The following LSAMP variants were observed in gnomAD, a reference collection of about 807,000 sequenced individuals.
LSAMP encodes the protein limbic system associated membrane protein, also known as limbic system-associated membrane protein.
A neutral mutation model predicts 38.6 loss-of-function variants in LSAMP; 7 were observed. The observed-to-expected ratio is 0.18, with a 90% CI of 0.10 to 0.34. The LOEUF (loss-of-function observed/expected upper bound fraction) is 0.34, where lower values mean the gene tolerates loss of function less well. Among genes scored for constraint, LSAMP ranks in the 10% least tolerant of loss-of-function variants. The pLI, the probability that LSAMP is intolerant of heterozygous loss-of-function variation, is 1.00. For synonymous variants in LSAMP, 154 were observed against 166.8 expected (o/e 0.92, Z 0.59); for missense variants, 313 against 420.0 (o/e 0.75, Z 2.23).
intron 6 of LSAMP, among the ~76,000 whole-genome samples, chr3:115,841,303 C>T (rs962468810): frequency 6.6e-6 from 1 of 152,122 alleles, no homozygotes; most frequent in Non-Finnish European, 1.5e-5. Flanking sequence ...CTTTCTGCAA[C>T]CATTTTTCCT....
rs546746132 is a variant in LSAMP, at chr3:116,370,700, G to A, written c.155+74177C>T. Among the ~76,000 whole-genome samples, 18 of 152,236 alleles carry A rather than the reference G, an allele frequency of 1.2e-4. No homozygotes were observed. The South Asian group carries it at 1.7e-3, about 14-fold the overall frequency. On this transcript the variant is annotated intron_variant, in intron 1 of 6. Transcript: ENST00000490035. ...GCAGTCACAGAAGTGCAGACAAAGA[G>A]GTGCCATCCGTGGTTGTTGCATGTC...
At chr3:116,441,090 C>T (rs539041352) in intron 1 of LSAMP, among the ~76,000 whole-genome samples, 1 of 152,248 alleles carries the variant, frequency 6.6e-6, no homozygotes, top group South Asian at 2.1e-4. Flanking sequence ...AAGACCCCAA[C>T]TTTGAAAAAA....
intron 1 of LSAMP, among the ~76,000 whole-genome samples, chr3:116,299,398 G>A (rs2047377304): frequency 1.3e-5 from 2 of 152,164 alleles, no homozygotes; most frequent in African/African-American, 2.4e-5. Context: ...AGAACCACAC[G>A]AACATGGTCA....
At chr3:116,269,350 A>G (rs2046939384) in intron 1 of LSAMP, among the ~76,000 whole-genome samples, 1 of 151,736 alleles carries the variant, frequency 6.6e-6, no homozygotes, top group South Asian at 2.1e-4. Context: ...CACATATTAT[A>G]TACCCTGTTC....
intron 4 of LSAMP, among the ~76,000 whole-genome samples, chr3:115,847,170 C>T (rs1935186744): frequency 6.6e-6 from 1 of 152,170 alleles, no homozygotes; most frequent in Non-Finnish European, 1.5e-5. Flanking sequence ...CTACCACTCA[C>T]CAAAGCTGTT....
chr3:115,924,506 A>G (rs1002288428), intron 3 of LSAMP, among the ~76,000 whole-genome samples: 4 of 152,192 alleles, frequency 2.6e-5, no homozygotes, highest in African/African-American at 4.8e-5. Flanking sequence ...TTGCCTTCAT[A>G]TTTACCAGAG....
intron 1 of LSAMP, among the ~76,000 whole-genome samples, chr3:116,257,069 A>G (rs2107654446): frequency 6.6e-6 from 1 of 152,288 alleles, no homozygotes; most frequent in East Asian, 1.9e-4. Flanking sequence ...TGTGCTCTTC[A>G]AAGGAGGTAC....
Position 116,215,170 on chromosome 3 carries a change from A to G in LSAMP, c.156-128614T>C, listed in dbSNP as rs111374851. Among the ~76,000 whole-genome samples, 663 of 152,332 alleles carry G rather than the reference A, an allele frequency of 4.4e-3. 7 individuals carry two copies. Among genetic ancestry groups the G allele is most frequent in the African/African-American group, 0.015 (625 of 41,568 alleles). Reference sequence around the variant, plus strand: ...GCCATCATAATAAGGAAAACGAAATAAATAAACAAACAAATAAAGGAATAA... The same window carrying G: ...GCCATCATAATAAGGAAAACGAAATGAATAAACAAACAAATAAAGGAATAA... On this transcript the variant is annotated intron_variant, in intron 1 of 6. Transcript: ENST00000490035.
intron 2 of LSAMP, among the ~76,000 whole-genome samples, chr3:116,079,119 C>T (rs1432801605): frequency 2.0e-5 from 3 of 152,206 alleles, no homozygotes; most frequent in Admixed American, 6.5e-5. Flanking sequence ...TTTATACTAT[C>T]TTCTCCAACA....
At chr3:116,435,141 A>G (rs541279424) in intron 1 of LSAMP, among the ~76,000 whole-genome samples, 1 of 152,222 alleles carries the variant, frequency 6.6e-6, no homozygotes. Flanking sequence ...TTTAAAAGAT[A>G]GAGCTCCGTG....
chr3:116,385,185 A>G (rs1005798096), intron 1 of LSAMP, among the ~76,000 whole-genome samples: 1 of 152,176 alleles, frequency 6.6e-6, no homozygotes, highest in African/African-American at 2.4e-5. Flanking sequence ...AGAGTCTAAA[A>G]AGAGATTGAA....
intron 1 of LSAMP, among the ~76,000 whole-genome samples, chr3:116,209,812 C>T (rs1286640168): frequency 6.6e-6 from 1 of 152,108 alleles, no homozygotes; most frequent in African/African-American, 2.4e-5. Flanking sequence ...AGCGCAGTGG[C>T]ACGATCTCCG....
chr3:116,378,079 G>C (rs572951181), intron 1 of LSAMP, among the ~76,000 whole-genome samples: 58 of 152,122 alleles, frequency 3.8e-4, no homozygotes, highest in Non-Finnish European at 8.5e-4. Context: ...TCTCCTTCTA[G>C]GGCTTAAACC....
At chr3:116,073,479 T>G (rs1707662027) in intron 2 of LSAMP, among the ~76,000 whole-genome samples, 1 of 152,222 alleles carries the variant, frequency 6.6e-6, no homozygotes, top group South Asian at 2.1e-4. Context: ...TTAACGGGAA[T>G]AGCATTTAAT....
chr3:115,863,685 C>T (rs1451531990), intron 3 of LSAMP, among the ~76,000 whole-genome samples: 1 of 151,856 alleles, frequency 6.6e-6, no homozygotes, highest in Non-Finnish European at 1.5e-5. Flanking sequence ...AACTTCTCTT[C>T]ATTTGATGCC....
intron 1 of LSAMP, among the ~76,000 whole-genome samples, chr3:116,380,318 A>G (rs2048541822): frequency 6.6e-6 from 1 of 152,120 alleles, no homozygotes; most frequent in Non-Finnish European, 1.5e-5. Flanking sequence ...ATCTACTTTT[A>G]ATGTTTCTCA....
chr3:116,049,589 T>C (rs1451228969), intron 2 of LSAMP, among the ~76,000 whole-genome samples: 1 of 152,198 alleles, frequency 6.6e-6, no homozygotes, highest in African/African-American at 2.4e-5. Flanking sequence ...CTCATAAAGT[T>C]ACAATTTTGT....
chr3:115,859,708 C>A (rs1489494467), intron 3 of LSAMP, among the ~76,000 whole-genome samples: 1 of 152,192 alleles, frequency 6.6e-6, no homozygotes. Context: ...AAAGAACATC[C>A]TGGGATTATT....
chr3:115,877,604 A>G (rs569013780), intron 3 of LSAMP, among the ~76,000 whole-genome samples: 1 of 152,278 alleles, frequency 6.6e-6, no homozygotes, highest in East Asian at 1.9e-4. Context: ...TGTTTCAAAA[A>G]AAGGCATCCC....
Sources: allele counts gnomAD v4.1 joint callset (sites outside exome capture counted in the v4.1 genomes callset), GRCh38; gene constraint gnomAD v4.1.1; transcripts MANE v1.5; gene names NCBI Gene and HGNC (gene_info 2026-07-23, HGNC 2026-07-21).